The following APBB2 variants were observed in gnomAD, a reference collection of about 807,000 sequenced individuals.
APBB2 encodes amyloid beta precursor protein binding family B member 2.
In APBB2, 38 loss-of-function variants were observed where a neutral mutation model predicts 82.5. The observed-to-expected ratio is 0.46, with a 90% confidence interval of 0.36 to 0.60. APBB2 has a LOEUF of 0.60. Among genes scored for constraint, APBB2 ranks in the 20% least tolerant of loss-of-function variants. The pLI, the probability that APBB2 is intolerant of heterozygous loss-of-function variation, is 0.00. For synonymous variants in APBB2, 341 were observed against 368.2 expected (o/e 0.93, Z 0.85); for missense variants, 772 against 972.3 (o/e 0.79, Z 2.74).
chr4:41,083,628 C>A (rs886946317), intron 3 of APBB2, among the ~76,000 whole-genome samples: 7 of 128,652 alleles, frequency 5.4e-5, no homozygotes, highest in African/African-American at 2.0e-4. Flanking sequence ...GTGGAGGCTG[C>A]AGTGAGCTGA....
chr4:41,101,085 T>G (rs904576097), intron 2 of APBB2, among the ~76,000 whole-genome samples: 2 of 152,156 alleles, frequency 1.3e-5, no homozygotes, highest in African/African-American at 4.8e-5. Context: ...TATTGTGACT[T>G]GGGAAGGAAG....
At chr4:40,836,513 G>A (rs1252322947) in intron 12 of APBB2, among the ~76,000 whole-genome samples, 1 of 151,920 alleles carries the variant, frequency 6.6e-6, no homozygotes, top group Non-Finnish European at 1.5e-5. Context: ...CAAAAAACAT[G>A]TCAAACCAAG....
At chr4:40,861,187 C>G (rs144242915) in intron 12 of APBB2, among the ~76,000 whole-genome samples, 191 of 152,030 alleles carry the variant, frequency 1.3e-3, no homozygotes, top group African/African-American at 4.5e-3. Flanking sequence ...CCTGTCTCTA[C>G]TAAAAATACA....
intron 2 of APBB2, among the ~76,000 whole-genome samples, chr4:41,129,675 TATTC>T (rs1163977650): frequency 3.9e-5 from 6 of 152,158 alleles, no homozygotes; most frequent in Admixed American, 2.6e-4. Context: ...GAAAGCCACT[TATTC>T]ATTCCTTCAA....
At chr4:41,171,888 G>C (rs1768367190) in intron 1 of APBB2, among the ~76,000 whole-genome samples, 1 of 152,130 alleles carries the variant, frequency 6.6e-6, no homozygotes, top group Admixed American at 6.5e-5. Context: ...CCTGAGGTCA[G>C]GAGTTTGAGA....
At chr4:41,104,551 G>A (rs568504395) in intron 2 of APBB2, among the ~76,000 whole-genome samples, 103 of 152,174 alleles carry the variant, frequency 6.8e-4, no homozygotes, top group African/African-American at 1.1e-3. Context: ...ATTGTGTGTC[G>A]TGGGGGTTTG....
intron 17 of APBB2, among the ~76,000 whole-genome samples, chr4:40,819,401 G>T (rs924152540): frequency 2.4e-4 from 36 of 151,826 alleles, no homozygotes; most frequent in African/African-American, 8.5e-4. Flanking sequence ...GGCCAGGCTG[G>T]TCTCAACCTC....
chr4:40,942,544 C>T (rs1243079287), intron 7 of APBB2, among the ~76,000 whole-genome samples: 1 of 152,138 alleles, frequency 6.6e-6, no homozygotes, highest in Non-Finnish European at 1.5e-5. Context: ...TTTTCTGCCT[C>T]AGGAGACTCC....
rs145719859 is a variant in APBB2 at position 40,866,108 on chromosome 4, T to C, written c.1529+24256A>G. On this transcript the variant is annotated intron_variant, in intron 12 of 17. Transcript: ENST00000508593. ...ACCCAGTGATCCCACTCTTACGTAT[T>C]TACCCAAGATGAGTGAACACTTCTG... is the stretch of plus-strand genomic sequence containing the variant. Among the ~76,000 whole-genome samples the C allele has an allele frequency of 2.7e-3, 412 of 152,324 alleles. 2 individuals are homozygous for C. Among genetic ancestry groups the C allele is most frequent in the African/African-American group, 9.5e-3 (395 of 41,562 alleles).
chr4:41,048,750 C>A (rs1009700163), intron 4 of APBB2, among the ~76,000 whole-genome samples: 1 of 151,054 alleles, frequency 6.6e-6, no homozygotes, highest in Non-Finnish European at 1.5e-5. Context: ...CTGCTGCCAA[C>A]TCGGCTCACT....
intron 10 of APBB2, among the ~76,000 whole-genome samples, chr4:40,897,554 T>C (rs1774016758): frequency 6.6e-6 from 1 of 152,184 alleles, no homozygotes; most frequent in Non-Finnish European, 1.5e-5. Flanking sequence ...TACTGATGAA[T>C]ATAAGCCTGA....
intron 12 of APBB2, among the ~76,000 whole-genome samples, chr4:40,831,869 G>A (rs1355444895): frequency 1.3e-5 from 2 of 152,090 alleles, no homozygotes; most frequent in Non-Finnish European, 2.9e-5. Flanking sequence ...TTTTTCTACT[G>A]ATAAAAAGGA....
intron 7 of APBB2, among the ~76,000 whole-genome samples, chr4:40,937,703 T>C (rs1785723094): frequency 6.6e-6 from 1 of 152,208 alleles, no homozygotes; most frequent in South Asian, 2.1e-4. Flanking sequence ...TTCATTTACA[T>C]CAAATATGAC....
chr4:40,958,275 G>C (rs4861339), intron 6 of APBB2, among the ~76,000 whole-genome samples: 24,939 of 152,134 alleles, frequency 0.16, 2,409 homozygotes, highest in Non-Finnish European at 0.22. Flanking sequence ...AAAGTCTTGA[G>C]ATGAAGTATA....
chr4:41,074,438 A>G (rs1338333023), intron 3 of APBB2, among the ~76,000 whole-genome samples: 1 of 152,216 alleles, frequency 6.6e-6, no homozygotes. Flanking sequence ...AGCACAAAAC[A>G]GATGCCCCAG....
intron 12 of APBB2, among the ~76,000 whole-genome samples, chr4:40,868,869 C>T (rs1234566774): frequency 6.6e-6 from 1 of 152,164 alleles, no homozygotes; most frequent in Non-Finnish European, 1.5e-5. Context: ...TTTTCTTTCA[C>T]ATCAATGGTA....
chr4:41,176,202 G>A (rs150768464), intron 1 of APBB2, among the ~76,000 whole-genome samples: 35 of 151,928 alleles, frequency 2.3e-4, no homozygotes, highest in African/African-American at 4.8e-4. Context: ...AATAAAACAC[G>A]GACAAAATAA....
In APBB2 at chr4:40,994,199, A is replaced by C. The variant is rs553599904; in HGVS notation, c.835+19384T>G. ...CTACTCGGGAGGCTGAGGAAGGAGA[A>C]TGGCGTGAACCTGGGAGGTGGAGCT... On this transcript the variant is annotated intron_variant, in intron 6 of 17. Coordinates refer to ENST00000508593, the MANE Select transcript of APBB2 (RefSeq NM_004307.2). 2.0e-3 allele frequency among the ~76,000 whole-genome samples: 307 copies of C among 151,844 alleles called. 2 individuals carry two copies. The highest frequency in any genetic ancestry group is 7.0e-3 in the African/African-American group (288 of 41,410).
chr4:40,964,024 T>C (rs1252770380), intron 6 of APBB2, among the ~76,000 whole-genome samples: 2 of 152,244 alleles, frequency 1.3e-5, no homozygotes, highest in African/African-American at 2.4e-5. Flanking sequence ...AAAGCAAGAA[T>C]GCAGTTTCAT....
Sources: allele counts gnomAD v4.1 joint callset (sites outside exome capture counted in the v4.1 genomes callset), GRCh38; gene constraint gnomAD v4.1.1; transcripts MANE v1.5; gene names NCBI Gene and HGNC (gene_info 2026-07-23, HGNC 2026-07-21).